The following NAV2 variants were observed in gnomAD, a reference collection of about 807,000 sequenced individuals.
NAV2 encodes neuron navigator 2, also known as helicase, APC down-regulated 1.
Under a neutral mutation model 223.2 loss-of-function variants are expected in NAV2, and 54 were observed. The observed-to-expected ratio is 0.24, with a 90% CI of 0.19 to 0.30. NAV2 has a LOEUF of 0.30. Among genes scored for constraint, NAV2 ranks in the 10% least tolerant of loss-of-function variants. The probability of loss-of-function intolerance (pLI) is 1.00; values close to 1 mark genes in which losing one functional copy is unlikely to be tolerated. For synonymous variants in NAV2, 1,279 were observed against 1,239.3 expected (o/e 1.03, Z -0.67); for missense variants, 2,806 against 3,147.5 (o/e 0.89, Z 2.60).
At chr11:20,016,873 G>A (rs1412261251) in intron 11 of NAV2, among the ~76,000 whole-genome samples, 1 of 150,660 alleles carries the variant, frequency 6.6e-6, no homozygotes, top group Non-Finnish European at 1.5e-5. Flanking sequence ...AGGTGCGGTG[G>A]CGCACACCTG....
chr11:20,066,401 A>T (rs2059044534), intron 20 of NAV2, among the ~76,000 whole-genome samples: 1 of 152,196 alleles, frequency 6.6e-6, no homozygotes, highest in African/African-American at 2.4e-5. Flanking sequence ...TTAGATAAGG[A>T]GGTTGTTCAG....
intron 1 of NAV2, among the ~76,000 whole-genome samples, chr11:19,640,240 GT>G (rs1291559980): frequency 2.0e-5 from 3 of 152,128 alleles, no homozygotes; most frequent in Admixed American, 6.5e-5. Context: ...GGGAAGAAAG[GT>G]TGTTTTGGCC....
intron 24 of NAV2, among the ~76,000 whole-genome samples, chr11:20,078,901 A>T (rs970089880): frequency 2.0e-5 from 3 of 152,226 alleles, no homozygotes; most frequent in Non-Finnish European, 4.4e-5. Flanking sequence ...TTTATGGAAT[A>T]CTTACTACGT....
chr11:19,938,397 G>T (rs1245735082), intron 7 of NAV2, among the ~76,000 whole-genome samples: 6 of 152,154 alleles, frequency 3.9e-5, no homozygotes, highest in Non-Finnish European at 8.8e-5. Context: ...GTGGCAGAGG[G>T]AGCCACGCCT....
chr11:19,424,946 C>G (rs1211705387), intron 1 of NAV2, among the ~76,000 whole-genome samples: 3 of 152,040 alleles, frequency 2.0e-5, no homozygotes, highest in African/African-American at 7.2e-5. Context: ...TGCTATGTCC[C>G]CATAATATGT....
At chr11:19,723,503 T>C (rs1469809328) in intron 1 of NAV2, among the ~76,000 whole-genome samples, 2 of 152,218 alleles carry the variant, frequency 1.3e-5, no homozygotes, top group Non-Finnish European at 2.9e-5. Flanking sequence ...GCTACTGCTT[T>C]AGATAATCAA....
rs112909211 is a variant in NAV2 at position 19,872,670 on chromosome 11, G to A, written c.511+3673G>A. 7.2e-4 allele frequency among the ~76,000 whole-genome samples: 110 copies of A among 152,366 alleles called. 1 individual carries two copies. The highest frequency in any genetic ancestry group is 2.4e-3 in the African/African-American group (100 of 41,586). ...TCTAAAGCTGGGTTTGCACTCAGGA[G>A]GGTGTATGCACCTGTCCTCAAAGCA... On this transcript the variant is annotated intron_variant, in intron 4 of 37. Coordinates refer to ENST00000349880, the MANE Select transcript of NAV2 (RefSeq NM_145117.5).
At chr11:20,092,145 A>C in intron 27 of NAV2, 61 bp from the exon 28 acceptor site, 1 of 1,538,590 alleles carries the variant, frequency 6.5e-7, no homozygotes, top group Non-Finnish European at 8.9e-7. Context: ...TCCTTCCTTC[A>C]GAAAAATCTT....
At chr11:19,868,794 A>T in intron 3 of NAV2, 131 bp from the exon 4 acceptor site, 2 of 759,742 alleles carry the variant, frequency 2.6e-6, no homozygotes, top group Non-Finnish European at 4.2e-6. Context: ...CAGACAAAAG[A>T]GAGTGTCCTA....
rs112573224 is a variant in NAV2, at chr11:20,115,459, C to T, written c.7164+664C>T. On this transcript the variant is annotated intron_variant, in intron 37 of 37. Transcript: ENST00000349880. ...CATCCTGGCTAACATGGTGAAACAC[C>T]GTCTCTACTAAAAATATAAAAATTT... Among the ~76,000 whole-genome samples the T allele has an allele frequency of 7.4e-3, 1,120 of 151,722 alleles. 9 individuals carry two copies. Among genetic ancestry groups the T allele is most frequent in the African/African-American group, 0.025 (1,048 of 41,362 alleles).
rs573575512 is a variant in NAV2, at chr11:19,382,539, G to A, written c.75+31512G>A. ...CTTTCCACACATGACTTTGCTTCAC[G>A]GCAACAACAGCTCTGTGGGAAGTAA... On this transcript the variant is annotated intron_variant, in intron 1 of 37. Coordinates refer to the NAV2 transcript ENST00000360655. Among the ~76,000 whole-genome samples the A allele has an allele frequency of 6.6e-5, 10 of 152,276 alleles. No individual in the cohort carries two copies. In the South Asian group the frequency reaches 1.5e-3, roughly 22 times the overall value.
At chr11:19,970,274 T>A (rs1365721469) in intron 10 of NAV2, among the ~76,000 whole-genome samples, 2 of 152,184 alleles carry the variant, frequency 1.3e-5, no homozygotes, top group Non-Finnish European at 2.9e-5. Flanking sequence ...GTTCAAGTGG[T>A]TCTCCTGTCT....
At chr11:19,371,767 GTTTTTT>G (rs9299953) in intron 1 of NAV2, among the ~76,000 whole-genome samples, 3 of 96,972 alleles carry the variant, frequency 3.1e-5, no homozygotes, top group Non-Finnish European at 4.2e-5. Flanking sequence ...TCTGTATCAG[GTTTTTT>G]TTTTTTTTTT....
At chr11:19,683,302 G>A (rs755595583) in intron 1 of NAV2, among the ~76,000 whole-genome samples, 1 of 152,176 alleles carries the variant, frequency 6.6e-6, no homozygotes, top group African/African-American at 2.4e-5. Context: ...AGGGGTTGCG[G>A]GGTGTAACAG....
At chr11:20,117,502 C>T (rs1023111123) in intron 37 of NAV2, among the ~76,000 whole-genome samples, 2 of 152,176 alleles carry the variant, frequency 1.3e-5, no homozygotes, top group African/African-American at 4.8e-5. Context: ...ATTCCTGAAT[C>T]ATAAGCGAAG....
At chr11:19,844,084 A>G (rs951500819) in intron 3 of NAV2, among the ~76,000 whole-genome samples, 70 of 152,332 alleles carry the variant, frequency 4.6e-4, no homozygotes, top group African/African-American at 1.6e-3. Flanking sequence ...AAGACCAACC[A>G]CTTCTTACAT....
chr11:20,110,754 C>G (rs1317687542), intron 36 of NAV2, among the ~76,000 whole-genome samples: 2 of 152,134 alleles, frequency 1.3e-5, no homozygotes, highest in African/African-American at 4.8e-5. Context: ...TTAAAATTCC[C>G]TACTCTCCTT....
At chr11:19,670,753 T>C (rs1348031621) in intron 1 of NAV2, among the ~76,000 whole-genome samples, 1 of 152,218 alleles carries the variant, frequency 6.6e-6, no homozygotes, top group Non-Finnish European at 1.5e-5. Context: ...AATTAGGTGA[T>C]GCTGCAGCTT....
At chr11:19,557,970 C>T (rs533872595) in intron 1 of NAV2, among the ~76,000 whole-genome samples, 30 of 152,188 alleles carry the variant, frequency 2.0e-4, no homozygotes, top group Middle Eastern at 3.4e-3. Flanking sequence ...GTGGGATGAA[C>T]GTTGGGGAGG....
Sources: allele counts gnomAD v4.1 joint callset (sites outside exome capture counted in the v4.1 genomes callset), GRCh38; gene constraint gnomAD v4.1.1; transcripts MANE v1.5; gene names NCBI Gene and HGNC (gene_info 2026-07-23, HGNC 2026-07-21).